Variants in DHX36 observed in about 807,000 individuals in gnomAD.
DHX36 encodes ATP-dependent DNA/RNA helicase DHX36.
In DHX36, 50 loss-of-function variants were observed where a neutral mutation model predicts 139.0. The observed-to-expected ratio is 0.36, with a 90% CI of 0.29 to 0.46. DHX36 has a LOEUF of 0.46. DHX36 is among the 20% of genes least tolerant of loss of function. DHX36 has a pLI of 1.00. For synonymous variants in DHX36, 425 were observed against 401.9 expected, an observed-to-expected ratio of 1.06 and a Z score of -0.69; for missense variants, 1,024 against 1,211.3, an observed-to-expected ratio of 0.85 and a Z score of 2.29.
chr3:154,285,080 A>ACT, intron 17 of DHX36, 93 bp from the exon 18 acceptor site: 1 of 1,308,928 alleles, frequency 7.6e-7, no homozygotes, highest in Non-Finnish European at 1.1e-6. Flanking sequence ...ACAAGCCACT[A>ACT]CTCTCTCTTC....
chr3:154,309,112 C>G (rs1712632433), intron 5 of DHX36, among the ~76,000 whole-genome samples: 1 of 151,914 alleles, frequency 6.6e-6, no homozygotes, highest in African/African-American at 2.4e-5. Context: ...CACTTGAACC[C>G]TAGAGGTTGA....
chr3:154,296,253 T>A (rs2108347745), intron 12 of DHX36, among the ~76,000 whole-genome samples: 1 of 152,162 alleles, frequency 6.6e-6, no homozygotes, highest in South Asian at 2.1e-4. Flanking sequence ...GGCGGGCGGA[T>A]CACGAGGTCA....
At chr3:154,320,894 A>G (rs1267397826) in intron 1 of DHX36, among the ~76,000 whole-genome samples, 1 of 152,222 alleles carries the variant, frequency 6.6e-6, no homozygotes, top group Non-Finnish European at 1.5e-5. Flanking sequence ...TACTGCTACC[A>G]GAGTGAATTT....
chr3:154,289,546 T>C (rs908411167), intron 16 of DHX36, among the ~76,000 whole-genome samples, 163 bp downstream of exon 16: 4 of 152,214 alleles, frequency 2.6e-5, no homozygotes, highest in African/African-American at 9.6e-5. Flanking sequence ...GTGTTGAATA[T>C]ACATTTGAAG....
intron 10 of DHX36, 106 bp downstream of exon 10, chr3:154,300,881 C>A: frequency 2.7e-6 from 4 of 1,481,738 alleles, no homozygotes; most frequent in African/African-American, 1.4e-5. Context: ...AAGAGACTCA[C>A]AATGCTCTCC....
intron 15 of DHX36, among the ~76,000 whole-genome samples, chr3:154,290,991 C>T (rs573637930): frequency 0.021 from 3,115 of 150,450 alleles, 54 homozygotes; most frequent in African/African-American, 0.047. Flanking sequence ...AAAAATTAGC[C>T]GGGCGTAGTG....
At chr3:154,312,591 C>T (rs1019376725) in intron 3 of DHX36, among the ~76,000 whole-genome samples, 25 of 151,396 alleles carry the variant, frequency 1.7e-4, no homozygotes, top group African/African-American at 6.1e-4. Context: ...GCCTGTAATC[C>T]CAGCACTTTG....
chr3:154,295,441 T>G (rs1712002560), intron 12 of DHX36, 102 bp from the exon 13 acceptor site: 4 of 510,330 alleles, frequency 7.8e-6, no homozygotes, highest in Middle Eastern at 9.6e-4. Flanking sequence ...ACTCAATTCT[T>G]TTTTTGATAA....
chr3:154,306,208 T>C lies in DHX36; in HGVS notation c.893+8A>G. 1 of 1,604,612 alleles carries C rather than the reference T, an allele frequency of 6.2e-7. No homozygotes were observed. The highest frequency in any genetic ancestry group is 1.7e-5 in the Admixed American group (1 of 59,870). Reference sequence around the variant, plus strand: ...TCTGCCTGTATATAAGAAGTGAACATTTCTTACCTCTGGAGACGAATTTGA... The same window carrying C: ...TCTGCCTGTATATAAGAAGTGAACACTTCTTACCTCTGGAGACGAATTTGA... On this transcript the variant is annotated splice_region_variant and intron_variant, in intron 6 of 24. Coordinates refer to ENST00000496811, the MANE Select transcript of DHX36 (RefSeq NM_020865.3).
At chr3:154,315,971 A>C in intron 2 of DHX36, 68 bp downstream of exon 2, 1 of 1,502,048 alleles carries the variant, frequency 6.7e-7, no homozygotes, top group Non-Finnish European at 8.9e-7. Context: ...GAAGAAAATA[A>C]AGATGTTATT....
At chr3:154,304,605 C>T (rs1413594973) in intron 8 of DHX36, among the ~76,000 whole-genome samples, 1 of 152,158 alleles carries the variant, frequency 6.6e-6, no homozygotes, top group Non-Finnish European at 1.5e-5. Flanking sequence ...AAGAAGCTAC[C>T]TGTCCTCACT....
chr3:154,288,271 A>C (rs1306931912), intron 17 of DHX36, among the ~76,000 whole-genome samples: 3 of 152,030 alleles, frequency 2.0e-5, no homozygotes, highest in African/African-American at 2.4e-5. Flanking sequence ...GAACAAAAAA[A>C]CCACACACAT....
At chr3:154,319,129 C>G (rs920736313) in intron 1 of DHX36, 1 of 152,156 alleles carries the variant, frequency 6.6e-6, no homozygotes, top group African/African-American at 2.4e-5. Context: ...CCTCTCTCCC[C>G]CTCAACAACC....
intron 5 of DHX36, 31 bp downstream of exon 5, chr3:154,309,622 A>C (rs1712652656): frequency 6.5e-7 from 1 of 1,549,760 alleles, no homozygotes; most frequent in South Asian, 1.2e-5. Context: ...TTTTAAAAAG[A>C]CAATTTTTAA....
chr3:154,298,507 AAAT>A lies in DHX36; in HGVS notation c.1549+1328_1549+1330del, dbSNP rs534831182. 8.5e-5 allele frequency among the ~76,000 whole-genome samples: 13 copies of A among 152,380 alleles called. No homozygotes were observed. The South Asian group carries it at 2.7e-3, about 32-fold the overall frequency. ...CAAAATACTTTGCAAGCTAGATAGT[AAAT>A]AATTTTAATTACAGAGAATGCTTTC... On this transcript the variant is annotated intron_variant, in intron 12 of 24. Coordinates refer to ENST00000496811, the MANE Select transcript of DHX36 (RefSeq NM_020865.3).
rs1711661421 is a variant in DHX36, at chr3:154,288,785, TGA to T, written c.2031+79_2031+80del. The stretch of plus-strand genomic sequence containing the variant: ...ACATTATTGGTCTACTTTGCAGTAA[TGA>T]GAGTAAACATTATAATTAACTGGTT... On this transcript the variant is annotated intron_variant, in intron 17 of 24. Coordinates refer to ENST00000496811, the MANE Select transcript of DHX36 (RefSeq NM_020865.3). The T allele has an allele frequency of 1.1e-5, 8 of 726,594 alleles. No homozygotes were observed. The South Asian group carries it at 1.9e-4, about 17-fold the overall frequency. The allele number at this position is 726,594 out of a possible 1,614,324, so 45.0% of individuals were successfully genotyped here.
At chr3:154,310,642 G>A (rs1046928218) in intron 4 of DHX36, among the ~76,000 whole-genome samples, 13 of 150,106 alleles carry the variant, frequency 8.7e-5, no homozygotes, top group African/African-American at 1.2e-4. Flanking sequence ...TTAGCTGGGC[G>A]TGGTGGGTGC....
At position 154,305,185 on chromosome 3, in the gene DHX36, T is replaced by C. The variant is rs750007540; in HGVS notation, c.894-17A>G. ...GGCAACCGACTGTGAATGAAAGACA[T>C]GAATTAATAAGCCTTGGTTTTCTCT... On this transcript the variant is annotated splice_polypyrimidine_tract_variant and intron_variant, in intron 6 of 24. Coordinates refer to ENST00000496811, the MANE Select transcript of DHX36 (RefSeq NM_020865.3). 1 of 1,604,836 alleles carries C rather than the reference T, an allele frequency of 6.2e-7. No individual in the cohort carries two copies. The highest frequency in any genetic ancestry group is 1.7e-5 in the Admixed American group (1 of 58,752).
chr3:154,292,535 A>G lies in DHX36; in HGVS notation c.1814+16T>C, dbSNP rs1248576731. The G allele has an allele frequency of 1.9e-6, 3 of 1,613,846 alleles. No individual in the cohort carries two copies. The highest frequency in any genetic ancestry group is 4.5e-5 in the East Asian group (2 of 44,868). On this transcript the variant is annotated intron_variant, in intron 15 of 24. Coordinates refer to ENST00000496811, the MANE Select transcript of DHX36 (RefSeq NM_020865.3). ...TTTGTGTGTTCTAAAAGCTTTGGAC[A>G]GAGTTCCCACCTTACCTTCCAGCTC...
Sources: allele counts gnomAD v4.1 joint callset (sites outside exome capture counted in the v4.1 genomes callset), GRCh38; gene constraint gnomAD v4.1.1; transcripts MANE v1.5; gene names NCBI Gene and HGNC (gene_info 2026-07-23, HGNC 2026-07-21).